The following MYO1E variants were observed in gnomAD, a reference collection of about 807,000 sequenced individuals.
MYO1E encodes the protein myosin IE.
A neutral mutation model predicts 151.1 loss-of-function variants in MYO1E; 68 were observed. That is an observed-to-expected ratio of 0.45 (90% CI 0.37 to 0.55). MYO1E has a LOEUF of 0.55. Ranked by LOEUF, MYO1E falls within the 20% of genes least tolerant of loss-of-function variation. The pLI is 0.00. For missense variants in MYO1E, 1,363 were observed against 1,389.3 expected (o/e 0.98, Z 0.30); for synonymous variants, 601 against 501.7 (o/e 1.20, Z -2.64).
chr15:59,185,918 A>G (rs1456541316), intron 18 of MYO1E, among the ~76,000 whole-genome samples: 2 of 152,216 alleles, frequency 1.3e-5, no homozygotes, highest in Admixed American at 6.5e-5. Context: ...TTCGCAGCAA[A>G]GAATCTTCCA....
At chr15:59,147,147 C>T (rs376079424) in intron 26 of MYO1E, among the ~76,000 whole-genome samples, 12 of 151,952 alleles carry the variant, frequency 7.9e-5, no homozygotes, top group Admixed American at 1.3e-4. Context: ...GGATGGCTGC[C>T]GAATCTCACA....
At chr15:59,171,645 A>G (rs537030944) in intron 22 of MYO1E, among the ~76,000 whole-genome samples, 11 of 152,302 alleles carry the variant, frequency 7.2e-5, no homozygotes, top group African/African-American at 2.6e-4. Context: ...TTTCGGTTAC[A>G]AGAGATCTGG....
intron 1 of MYO1E, among the ~76,000 whole-genome samples, chr15:59,296,201 T>A (rs1216065373): frequency 6.6e-6 from 1 of 152,226 alleles, no homozygotes. Flanking sequence ...CTATGCCAAC[T>A]TCTAAGTAAG....
At chr15:59,284,633 A>C (rs1305876518) in intron 1 of MYO1E, among the ~76,000 whole-genome samples, 1 of 150,966 alleles carries the variant, frequency 6.6e-6, no homozygotes, top group Non-Finnish European at 1.5e-5. Flanking sequence ...CTACCAAAAA[A>C]AAAAAAAATT....
intron 3 of MYO1E, among the ~76,000 whole-genome samples, chr15:59,258,515 AGTTT>A (rs2080207015): frequency 6.6e-6 from 1 of 152,214 alleles, no homozygotes; most frequent in African/African-American, 2.4e-5. Context: ...AGTAGGTTAT[AGTTT>A]GTTTATACAT....
At chr15:59,253,295 G>A (rs1417801112) in intron 4 of MYO1E, among the ~76,000 whole-genome samples, 3 of 152,110 alleles carry the variant, frequency 2.0e-5, no homozygotes, top group African/African-American at 7.2e-5. Context: ...ACTAATAACT[G>A]CAGAAAAATA....
intron 1 of MYO1E, among the ~76,000 whole-genome samples, chr15:59,280,610 G>A (rs1316368077): frequency 1.5e-4 from 19 of 124,524 alleles, no homozygotes; most frequent in African/African-American, 4.7e-4. Context: ...CAACAAGAGC[G>A]AAAGTCCATC....
intron 12 of MYO1E, among the ~76,000 whole-genome samples, chr15:59,211,703 A>C (rs1021319757): frequency 6.6e-6 from 1 of 152,124 alleles, no homozygotes; most frequent in Non-Finnish European, 1.5e-5. Flanking sequence ...CAGTGTCACC[A>C]TCGGCCCTGT....
chr15:59,137,541 G>A, intron 27 of MYO1E, 85 bp from the exon 28 acceptor site: 1 of 1,097,540 alleles, frequency 9.1e-7, no homozygotes, highest in Non-Finnish European at 1.4e-6. Context: ...ATGGGCTCAA[G>A]TGATTTGGCT....
At chr15:59,268,720 A>ATTTTTTGTTTTTTTTTTTTTTTTTTTT (rs2080271459) in intron 2 of MYO1E, among the ~76,000 whole-genome samples, 1 of 44,906 alleles carries the variant, frequency 2.2e-5, no homozygotes, top group Non-Finnish European at 4.9e-5. Context: ...TGACTTTGGT[A>ATTTTTTGTTTTTTTTTTTTTTTTTTTT]TTTTTTTTTT....
At chr15:59,349,554 G>C (rs892821011) in intron 1 of MYO1E, among the ~76,000 whole-genome samples, 9 of 152,122 alleles carry the variant, frequency 5.9e-5, no homozygotes, top group African/African-American at 2.2e-4. Context: ...CCTCATCCTT[G>C]CCAAGAATTT....
intron 1 of MYO1E, among the ~76,000 whole-genome samples, chr15:59,286,239 T>C (rs180797579): frequency 1.6e-4 from 25 of 152,356 alleles, no homozygotes; most frequent in Non-Finnish European, 3.5e-4. Context: ...ATCTCTCCTA[T>C]ACTGCTTGCA....
intron 1 of MYO1E, among the ~76,000 whole-genome samples, chr15:59,304,461 T>G (rs2080502915): frequency 6.6e-6 from 1 of 152,216 alleles, no homozygotes; most frequent in Non-Finnish European, 1.5e-5. Context: ...TGCTAGAATT[T>G]CCCTTTAGAC....
intron 1 of MYO1E, among the ~76,000 whole-genome samples, chr15:59,291,248 C>T (rs1013808285): frequency 6.6e-6 from 1 of 152,234 alleles, no homozygotes. Flanking sequence ...AGCACCAGTA[C>T]TCCTGATATT....
intron 1 of MYO1E, among the ~76,000 whole-genome samples, chr15:59,296,839 C>CTT (rs10717328): frequency 2.9e-4 from 36 of 125,512 alleles, no homozygotes; most frequent in South Asian, 5.5e-4. Flanking sequence ...ATACTTTTTT[C>CTT]TTTTTTTTTT....
In MYO1E at chr15:59,229,838, A is replaced by C. The variant is rs528390134; in HGVS notation, c.510+1864T>G. On this transcript the variant is annotated intron_variant, in intron 6 of 27. Transcript: ENST00000288235. The stretch of plus-strand genomic sequence containing the variant: ...TCATAGATGTCAAACTTTGATTTAC[A>C]TACCTCTTAGTTACCTTTCATATAA... Among the ~76,000 whole-genome samples the C allele has an allele frequency of 2.6e-5, 4 of 152,262 alleles. No homozygotes were observed. In the East Asian group the frequency reaches 7.7e-4, roughly 29 times the overall value.
chr15:59,314,090 G>A (rs1006247466), intron 1 of MYO1E, among the ~76,000 whole-genome samples: 1 of 152,142 alleles, frequency 6.6e-6, no homozygotes, highest in Non-Finnish European at 1.5e-5. Flanking sequence ...AATCTCCCTG[G>A]ACTAGACAGG....
At position 59,153,670 on chromosome 15, in the gene MYO1E, C is replaced by G. The variant is rs767683791; in HGVS notation, c.3000G>C (p.Gln1000His). The change falls in exon 26 of 28, where the codon CAG (glutamine) becomes CAC (histidine). Residue 1000 changes from glutamine to histidine, a missense_variant. Coordinates refer to ENST00000288235, the MANE Select transcript of MYO1E (RefSeq NM_004998.4). ...TSMARPPLPR[Q>H]QSTSSDRVSQ... ...ACACTCGGTCTGAACTGGTAGACTG[C>G]TGCCGAGGCAAGGGCGGGCGGGCCA... 6.2e-7 allele frequency: 1 copy of G among 1,614,196 alleles called. No homozygotes were observed. Among genetic ancestry groups the G allele is most frequent in the Non-Finnish European group, 8.5e-7 (1 of 1,180,042 alleles).
At chr15:59,215,251 G>C (rs531775681) in intron 10 of MYO1E, among the ~76,000 whole-genome samples, 28 of 152,278 alleles carry the variant, frequency 1.8e-4, no homozygotes, top group African/African-American at 6.3e-4. Flanking sequence ...ATTGATAATA[G>C]AAGCAGCTTA....
Sources: allele counts gnomAD v4.1 joint callset (sites outside exome capture counted in the v4.1 genomes callset), GRCh38; gene constraint gnomAD v4.1.1; transcripts MANE v1.5; gene names NCBI Gene and HGNC (gene_info 2026-07-23, HGNC 2026-07-21).